The following ZNF354B variants were observed in gnomAD, a reference collection of about 807,000 sequenced individuals.
The protein encoded by ZNF354B is zinc finger protein 354B.
ZNF354B carries 10 observed loss-of-function variants against 12.9 expected under a neutral mutation model. The observed-to-expected ratio is 0.77, with a 90% confidence interval of 0.48 to 1.31. The LOEUF is 1.31. Among genes scored for constraint, ZNF354B ranks in the 40% most tolerant of loss-of-function variants. The pLI is 0.00. For missense variants in ZNF354B, 614 were observed against 711.7 expected, an observed-to-expected ratio of 0.86 and a Z score of 1.56; for synonymous variants, 260 against 243.7, an observed-to-expected ratio of 1.07 and a Z score of -0.62.
intron 4 of ZNF354B, among the ~76,000 whole-genome samples, chr5:178,875,806 C>T (rs1485962775): frequency 8.6e-5 from 13 of 152,028 alleles, no homozygotes; most frequent in Admixed American, 8.5e-4. Context: ...CTGTTTCTTC[C>T]CCAGACTGAG....
chr5:178,864,581 T>C (rs1757415897), intron 2 of ZNF354B, among the ~76,000 whole-genome samples: 1 of 152,124 alleles, frequency 6.6e-6, no homozygotes, highest in Admixed American at 6.5e-5. Flanking sequence ...ATCACTGTCA[T>C]TCAGTTTATT....
chr5:178,861,549 C>T (rs116917585), intron 2 of ZNF354B, among the ~76,000 whole-genome samples: 1 of 152,346 alleles, frequency 6.6e-6, no homozygotes, highest in East Asian at 1.9e-4. Context: ...GCTTGTATCA[C>T]TGTCTTGAAA....
In ZNF354B at chr5:178,866,300, G is replaced by T. The variant is rs769423441; in HGVS notation, c.90G>T (p.Lys30Asn). 3 of 1,614,032 alleles carry T rather than the reference G, an allele frequency of 1.9e-6. No homozygotes were observed. The highest frequency in any genetic ancestry group is 2.5e-6 in the Non-Finnish European group (3 of 1,180,026). Residue 30 changes from lysine to asparagine, a missense_variant, in exon 3 of 5, where the codon AAG (lysine) becomes AAT (asparagine). Coordinates refer to ENST00000322434, the MANE Select transcript of ZNF354B (RefSeq NM_058230.3). ...AVLFTWDEWR[K>N]LAPSQRNLYR... ...TCTTTACCTGGGATGAGTGGAGAAA[G>T]CTGGCTCCTTCTCAGAGAAACTTGT...
intron 4 of ZNF354B, among the ~76,000 whole-genome samples, chr5:178,873,954 CTTTTTTTT>C (rs34448849): frequency 5.5e-4 from 73 of 132,978 alleles, no homozygotes; most frequent in Admixed American, 2.4e-3. Flanking sequence ...TTTTTTTTTT[CTTTTTTTT>C]TTTTTGAGAT....
rs539418969 is a variant in ZNF354B, at chr5:178,877,244, A to T, written c.257-5465A>T. ...AGTTGCAGGGGTGTGATCTCAGCTCACTGCAACCTCCACCTTTTGGGTTTA... is the reference window on the plus strand; with the variant it reads ...AGTTGCAGGGGTGTGATCTCAGCTCTCTGCAACCTCCACCTTTTGGGTTTA... On this transcript the variant is annotated intron_variant, in intron 4 of 4. Transcript: ENST00000322434. Among the ~76,000 whole-genome samples, 55 of 152,206 alleles carry T rather than the reference A, an allele frequency of 3.6e-4. 1 individual carries two copies. Among genetic ancestry groups the T allele is most frequent in the African/African-American group, 1.3e-3 (53 of 41,526 alleles).
intron 2 of ZNF354B, among the ~76,000 whole-genome samples, chr5:178,864,473 G>A (rs1757413913): frequency 6.6e-6 from 1 of 151,970 alleles, no homozygotes; most frequent in African/African-American, 2.4e-5. Context: ...TTCTCAGAAT[G>A]TACCTCCATC....
intron 4 of ZNF354B, among the ~76,000 whole-genome samples, chr5:178,868,465 A>T (rs1290869160): frequency 6.6e-6 from 1 of 151,182 alleles, no homozygotes; most frequent in African/African-American, 2.4e-5. Context: ...GCAGAAAGGG[A>T]CACAGGTCTC....
intron 4 of ZNF354B, among the ~76,000 whole-genome samples, chr5:178,867,275 CT>C (rs1561666870): frequency 1.3e-5 from 2 of 152,196 alleles, no homozygotes; most frequent in African/African-American, 4.8e-5. Flanking sequence ...TTTTCTTACT[CT>C]TTCCTGTTGT....
chr5:178,871,350 C>T (rs1757562189), intron 4 of ZNF354B, among the ~76,000 whole-genome samples: 1 of 152,200 alleles, frequency 6.6e-6, no homozygotes, highest in African/African-American at 2.4e-5. Context: ...GACTGTTCTT[C>T]GTGGCAGTCA....
intron 2 of ZNF354B, among the ~76,000 whole-genome samples, chr5:178,865,536 G>T (rs1169235186): frequency 6.6e-6 from 1 of 152,040 alleles, no homozygotes; most frequent in Non-Finnish European, 1.5e-5. Flanking sequence ...CAAAGTGCTG[G>T]GATTACAGGC....
intron 4 of ZNF354B, 104 bp from the exon 5 acceptor site, chr5:178,882,605 C>A (rs1757732381): frequency 8.5e-7 from 1 of 1,172,562 alleles, no homozygotes; most frequent in East Asian, 2.6e-5. Context: ...CTCTTTTAGT[C>A]ATATAGCAAA....
chr5:178,884,785 AC>A lies in ZNF354B; in HGVS notation c.*495del, dbSNP rs1757777680. On this transcript the variant is annotated 3_prime_UTR_variant, in exon 5 of 5. Coordinates refer to ENST00000322434, the MANE Select transcript of ZNF354B (RefSeq NM_058230.3). ...TCCCAGGGCAAGGCTTATCCATTGC[AC>A]TCCAGATGTGCTGACCCCTTCAATT... 6.5e-6 allele frequency: 1 copy of A among 152,812 alleles called. No individual in the cohort carries two copies. Among genetic ancestry groups the A allele is most frequent in the Non-Finnish European group, 1.5e-5 (1 of 68,446 alleles). 9.5% of individuals were successfully genotyped at this position (152,812 alleles called of 1,614,324 possible).
At chr5:178,870,206 G>A (rs1425459526) in intron 4 of ZNF354B, among the ~76,000 whole-genome samples, 1 of 152,176 alleles carries the variant, frequency 6.6e-6, no homozygotes, top group African/African-American at 2.4e-5. Context: ...TGAACAGCCA[G>A]TGATAGAAAA....
rs769720918 is a variant in ZNF354B, at chr5:178,884,066, A to G, written c.1614A>G (p.Ile538Met). 33 of 1,613,994 alleles carry G rather than the reference A, an allele frequency of 2.0e-5. No individual in the cohort carries two copies. Among genetic ancestry groups the G allele is most frequent in the Non-Finnish European group, 2.7e-5 (32 of 1,179,984 alleles). Residue 538 changes from isoleucine to methionine, a missense_variant, in exon 5 of 5, where the codon ATA (isoleucine) becomes ATG (methionine). Coordinates refer to ENST00000322434, the MANE Select transcript of ZNF354B (RefSeq NM_058230.3). ...CTTTTGGCCAAAGTGCAGCTCTTAT[A>G]CAACATCAGAGGATTCATACAGGAG... ...GMSFGQSAAL[I>M]QHQRIHTGEK...
chr5:178,875,867 T>G (rs1291827661), intron 4 of ZNF354B, among the ~76,000 whole-genome samples: 1 of 152,130 alleles, frequency 6.6e-6, no homozygotes, highest in Non-Finnish European at 1.5e-5. Context: ...GGCTATCAGT[T>G]GCCTCTGGGA....
chr5:178,882,566 T>C (rs912524887), intron 4 of ZNF354B, 143 bp from the exon 5 acceptor site: 16 of 752,982 alleles, frequency 2.1e-5, no homozygotes, highest in Non-Finnish European at 3.1e-5. Flanking sequence ...TCATCCATTA[T>C]TTTATATAGT....
Position 178,883,716 on chromosome 5 carries a change from A to T in ZNF354B, c.1264A>T (p.Ile422Phe). Reference sequence around the variant, plus strand: ...TGAATGTGGGAAAGGCTTTACTTCTATTTCACGACTTAATAGACACCGAAT... The same window carrying T: ...TGAATGTGGGAAAGGCTTTACTTCTTTTTCACGACTTAATAGACACCGAAT... ...CNECGKGFTS[I>F]SRLNRHRIIH... is the part of the protein sequence containing the mutation. The change falls in exon 5 of 5, where the codon ATT becomes TTT. Residue 422 changes from isoleucine to phenylalanine, a missense_variant. By Grantham distance (21) the Ile-to-Phe change is conservative. Transcript: ENST00000322434. The T allele has an allele frequency of 6.2e-7, 1 of 1,614,164 alleles. No homozygotes were observed. The highest frequency in any genetic ancestry group is 2.2e-5 in the East Asian group (1 of 44,870).
intron 3 of ZNF354B, 39 bp downstream of exon 3, chr5:178,866,409 T>A: frequency 2.5e-6 from 4 of 1,592,400 alleles, no homozygotes; most frequent in Non-Finnish European, 3.4e-6. Flanking sequence ...ATTCAAAAAT[T>A]GGGATATCTC....
chr5:178,884,854 G>C lies in ZNF354B; in HGVS notation c.*563G>C, dbSNP rs1475105844. 2 of 152,132 alleles carry C rather than the reference G, an allele frequency of 1.3e-5. No homozygotes were observed. The highest frequency in any genetic ancestry group is 4.8e-5 in the African/African-American group (2 of 41,384). 9.4% of individuals were successfully genotyped at this position (152,132 alleles called of 1,614,324 possible). A position where few individuals can be genotyped will look rare whatever the true frequency, so the allele number is the denominator to read the frequency against. On this transcript the variant is annotated 3_prime_UTR_variant, in exon 5 of 5. Transcript: ENST00000322434. ...CTCAACTGCATAATTTATGGTAGTGGGGGACTACATTCGCACTTTCTCCTG... is the reference window on the plus strand; with the variant it reads ...CTCAACTGCATAATTTATGGTAGTGCGGGACTACATTCGCACTTTCTCCTG...
Sources: gnomAD v4.1 joint callset for allele counts (sites outside exome capture counted in the v4.1 genomes callset) on GRCh38, gnomAD v4.1.1 for gene constraint, MANE v1.5 for transcripts, NCBI Gene and HGNC (gene_info 2026-07-23, HGNC 2026-07-21) for gene names.